Variants in CALU observed in about 807,000 individuals in gnomAD.
CALU encodes the protein IEF SSP 9302.
In CALU, 13 loss-of-function variants were observed where a neutral mutation model predicts 37.5. That is an observed-to-expected ratio of 0.35 (90% CI 0.23 to 0.55). The LOEUF (loss-of-function observed/expected upper bound fraction) is 0.55, where lower values mean the gene tolerates loss of function less well. CALU is among the 20% of genes least tolerant of loss of function. CALU has a pLI of 0.89. For synonymous variants in CALU, 114 were observed against 133.8 expected (o/e 0.85, Z 1.02); for missense variants, 282 against 391.7 (o/e 0.72, Z 2.36).
intron 6 of CALU, among the ~76,000 whole-genome samples, chr7:128,768,521 C>T (rs1386824239): frequency 2.0e-5 from 3 of 152,134 alleles, no homozygotes; most frequent in Non-Finnish European, 2.9e-5. Context: ...TCCACCCTTC[C>T]ACTTTTAACT....
Position 128,772,773 on chromosome 7 carries a change from C to A in CALU, c.*3606C>A. On this transcript the variant is annotated 3_prime_UTR_variant, in exon 7 of 7. Coordinates refer to ENST00000249364, the MANE Select transcript of CALU (RefSeq NM_001219.5). ...CACAATGCTTTGTACCCAGAATGCC[C>A]TTAGGTGGTTTTGAATCTATCTTCC... 1 of 1,427,802 alleles carries A rather than the reference C, an allele frequency of 7.0e-7. No homozygotes were observed. Among genetic ancestry groups the A allele is most frequent in the South Asian group, 1.2e-5 (1 of 84,490 alleles). 88.4% of individuals were successfully genotyped at this position (1,427,802 alleles called of 1,614,324 possible).
intron 5 of CALU, among the ~76,000 whole-genome samples, chr7:128,763,601 C>T (rs188007304): frequency 2.0e-5 from 3 of 152,230 alleles, no homozygotes; most frequent in East Asian, 1.9e-4. Flanking sequence ...CTTTAAAATG[C>T]GCTTACGTTG....
At position 128,772,075 on chromosome 7, in the gene CALU, GTTTTGTT is replaced by G. The variant is rs1562886466; in HGVS notation, c.*2911_*2917del. Reference sequence around the variant, plus strand: ...CTGAGTTTTTTTTGTTTTTTTTTTTGTTTTGTTTTGTTTTTTCTTTATGTCTCTCCCA... The same window carrying G: ...CTGAGTTTTTTTTGTTTTTTTTTTTGTTGTTTTTTCTTTATGTCTCTCCCA... On this transcript the variant is annotated 3_prime_UTR_variant, in exon 7 of 7. Coordinates refer to ENST00000249364, the MANE Select transcript of CALU (RefSeq NM_001219.5). Among the ~76,000 whole-genome samples the G allele has an allele frequency of 7.4e-5, 4 of 54,018 alleles. No individual in the cohort carries two copies. Among genetic ancestry groups the G allele is most frequent in the Non-Finnish European group, 2.1e-4 (4 of 19,386 alleles). 35.4% of individuals were successfully genotyped at this position (54,018 alleles called of 152,430 possible). A position where few individuals can be genotyped will look rare whatever the true frequency, so the allele number is the denominator to read the frequency against.
chr7:128,762,462 A>G (rs1469012109), intron 5 of CALU, among the ~76,000 whole-genome samples: 1 of 150,324 alleles, frequency 6.7e-6, no homozygotes, highest in Admixed American at 6.6e-5. Context: ...CCCAAACAGT[A>G]TCTTTCAGCT....
chr7:128,759,127 TTATA>T, intron 4 of CALU, 90 bp downstream of exon 4: 1 of 874,040 alleles, frequency 1.1e-6, no homozygotes, highest in Non-Finnish European at 1.8e-6. Context: ...ATAGCATATC[TTATA>T]TATATATATG....
intron 1 of CALU, among the ~76,000 whole-genome samples, chr7:128,743,601 A>G (rs982923482): frequency 2.6e-5 from 4 of 151,208 alleles, no homozygotes; most frequent in African/African-American, 9.7e-5. Flanking sequence ...GACTCACTGT[A>G]ACCTCGTGTC....
At chr7:128,764,392 C>T (rs925258387) in intron 5 of CALU, among the ~76,000 whole-genome samples, 3 of 151,242 alleles carry the variant, frequency 2.0e-5, no homozygotes, top group Non-Finnish European at 3.0e-5. Flanking sequence ...TACCACTGCA[C>T]TCCAGCCTGG....
intron 1 of CALU, among the ~76,000 whole-genome samples, chr7:128,745,130 A>T (rs149771113): frequency 1.2e-3 from 186 of 152,316 alleles, no homozygotes; most frequent in African/African-American, 4.1e-3. Context: ...TTTTATTTTG[A>T]GAATGTAATC....
rs148341687 is a variant in CALU at position 128,757,996 on chromosome 7, C to T, written c.416-875C>T. ...TAAGTGCATAATTGATGAGTTTTGACGTATGTATTTACCAGTGAAACCACC... is the reference window on the plus strand; with the variant it reads ...TAAGTGCATAATTGATGAGTTTTGATGTATGTATTTACCAGTGAAACCACC... On this transcript the variant is annotated intron_variant, in intron 3 of 6. Coordinates refer to ENST00000249364, the MANE Select transcript of CALU (RefSeq NM_001219.5). 1.1e-4 allele frequency among the ~76,000 whole-genome samples: 16 copies of T among 151,646 alleles called. 1 individual carries two copies. The highest frequency in any genetic ancestry group is 8.5e-4 in the Admixed American group (13 of 15,222).
intron 3 of CALU, chr7:128,754,742 C>T (rs1314846398): frequency 1.3e-6 from 2 of 1,512,024 alleles, no homozygotes; most frequent in Non-Finnish European, 1.8e-6. Flanking sequence ...AAGATGTCAG[C>T]CTGGCAGGGA....
Position 128,772,456 on chromosome 7 carries a change from G to A in CALU, c.*3289G>A. 8 of 1,537,372 alleles carry A rather than the reference G, an allele frequency of 5.2e-6. No homozygotes were observed. Among genetic ancestry groups the A allele is most frequent in the Non-Finnish European group, 6.3e-6 (7 of 1,115,190 alleles). On this transcript the variant is annotated 3_prime_UTR_variant, in exon 7 of 7. Transcript: ENST00000249364. ...TACCATCTTTTTTGTGTTTTTAGTA[G>A]TTTGGTTTCTGACGGAGACAATAGA...
rs1012831963 is a variant in CALU, at chr7:128,768,847, CAAAAAAAA to C, written c.844-202_844-195del. On this transcript the variant is annotated intron_variant, in intron 6 of 6. Transcript: ENST00000249364. Reference sequence around the variant, plus strand: ...GGGCAACAAGAGCGAAACTCCGTCTCAAAAAAAAAAAAAAAAAAAAACAAGGAATGTGT... The same window carrying C: ...GGGCAACAAGAGCGAAACTCCGTCTCAAAAAAAAAAAAACAAGGAATGTGT... Among the ~76,000 whole-genome samples the C allele has an allele frequency of 2.7e-3, 151 of 55,200 alleles. 3 individuals carry two copies. The highest frequency in any genetic ancestry group is 0.012 in the African/African-American group (143 of 11,578). 36.2% of individuals were successfully genotyped at this position (55,200 alleles called of 152,430 possible).
chr7:128,755,026 G>A (rs339043), intron 3 of CALU, among the ~76,000 whole-genome samples: 2,490 of 151,700 alleles, frequency 0.016, 63 homozygotes, highest in African/African-American at 0.057. Context: ...AGAATACATT[G>A]GGCTGGGTGC....
At chr7:128,748,356 T>A in intron 1 of CALU, 1 of 1,503,814 alleles carries the variant, frequency 6.6e-7, no homozygotes, top group Non-Finnish European at 8.9e-7. Flanking sequence ...TACAATCAGA[T>A]GAAGGAAACT....
At chr7:128,755,674 T>G (rs1042428217) in intron 3 of CALU, among the ~76,000 whole-genome samples, 1 of 152,232 alleles carries the variant, frequency 6.6e-6, no homozygotes, top group Admixed American at 6.5e-5. Flanking sequence ...TAATTTTCTT[T>G]TACTTGTAAC....
chr7:128,754,176 T>C (rs1240988707), intron 2 of CALU, 86 bp from the exon 3 acceptor site: 1 of 1,008,416 alleles, frequency 9.9e-7, no homozygotes, highest in African/African-American at 1.6e-5. Context: ...TTTATTTCTG[T>C]GCATTAGCCC....
At chr7:128,760,603 A>T (rs1401955144) in intron 5 of CALU, among the ~76,000 whole-genome samples, 2 of 152,118 alleles carry the variant, frequency 1.3e-5, no homozygotes, top group Non-Finnish European at 2.9e-5. Context: ...TGCTCTATGG[A>T]ACTGATGGTA....
chr7:128,764,524 ACTT>A (rs1448358108), intron 5 of CALU, among the ~76,000 whole-genome samples: 6 of 152,208 alleles, frequency 3.9e-5, no homozygotes, highest in Admixed American at 2.6e-4. Flanking sequence ...TACCATAGCA[ACTT>A]CTTACCTGCC....
chr7:128,760,057 G>A (rs920777853), intron 5 of CALU, among the ~76,000 whole-genome samples: 27 of 152,284 alleles, frequency 1.8e-4, no homozygotes, highest in African/African-American at 6.5e-4. Context: ...AATTAGTTGG[G>A]TGTGGTGGCG....
Sources: gnomAD v4.1 joint callset for allele counts (sites outside exome capture counted in the v4.1 genomes callset) on GRCh38, gnomAD v4.1.1 for gene constraint, MANE v1.5 for transcripts, NCBI Gene and HGNC (gene_info 2026-07-23, HGNC 2026-07-21) for gene names.